The following BTBD9 variants were observed in gnomAD, a reference collection of about 807,000 sequenced individuals.
BTBD9 encodes BTB/POZ domain-containing protein 9.
In BTBD9, 49 loss-of-function variants were observed where a neutral mutation model predicts 64.3. The ratio of observed to expected loss-of-function variants is 0.76; its 90% CI spans 0.61 to 0.97. The LOEUF is 0.97. BTBD9 is among the 50% of genes least tolerant of loss of function. BTBD9 has a pLI of 0.00. For missense variants in BTBD9, 598 were observed against 762.1 expected, an observed-to-expected ratio of 0.78 and a Z score of 2.53; for synonymous variants, 260 against 274.7, an observed-to-expected ratio of 0.95 and a Z score of 0.53.
chr6:38,225,221 A>G (rs1187217806), intron 9 of BTBD9, among the ~76,000 whole-genome samples: 1 of 152,218 alleles, frequency 6.6e-6, no homozygotes, highest in Admixed American at 6.5e-5. Context: ...TTTTCCCACA[A>G]TGCCATGGAC....
chr6:38,428,555 T>C (rs1342700853), intron 6 of BTBD9, among the ~76,000 whole-genome samples: 4 of 151,674 alleles, frequency 2.6e-5, no homozygotes, highest in Non-Finnish European at 1.5e-5. Flanking sequence ...ACAGGGTCCA[T>C]GACTTGTTTC....
intron 6 of BTBD9, among the ~76,000 whole-genome samples, chr6:38,438,035 C>T (rs1331736545): frequency 6.6e-6 from 1 of 151,858 alleles, no homozygotes; most frequent in Non-Finnish European, 1.5e-5. Flanking sequence ...TTCCAAAACC[C>T]AGGGATCTCC....
chr6:38,306,707 G>A (rs1283584762), intron 7 of BTBD9, among the ~76,000 whole-genome samples: 2 of 152,152 alleles, frequency 1.3e-5, no homozygotes, highest in Admixed American at 6.5e-5. Context: ...CATGACCTGA[G>A]GGCCACCTGT....
intron 6 of BTBD9, among the ~76,000 whole-genome samples, chr6:38,525,764 T>TGAGGGAGATGATTTCTTCTG (rs1773460883): frequency 6.6e-6 from 1 of 152,120 alleles, no homozygotes. Flanking sequence ...ACTTTGAACT[T>TGAGGGAGATGATTTCTTCTG]GAGGGAGATG....
At chr6:38,225,236 GGAATA>G (rs2127511919) in intron 9 of BTBD9, among the ~76,000 whole-genome samples, 1 of 152,306 alleles carries the variant, frequency 6.6e-6, no homozygotes, top group Admixed American at 6.5e-5. Flanking sequence ...ATGGACAAAT[GGAATA>G]GAAACAAATC....
intron 1 of BTBD9, among the ~76,000 whole-genome samples, chr6:38,619,291 T>C (rs561091868): frequency 1.3e-5 from 2 of 152,144 alleles, no homozygotes; most frequent in Admixed American, 6.5e-5. Flanking sequence ...TGGTATTCTA[T>C]AATAGGGACC....
chr6:38,557,487 A>C (rs1775080279), intron 6 of BTBD9, among the ~76,000 whole-genome samples: 1 of 152,256 alleles, frequency 6.6e-6, no homozygotes, highest in Non-Finnish European at 1.5e-5. Context: ...GTGAAATACA[A>C]TAGTTGGACA....
At chr6:38,245,985 G>GA (rs1388149194) in intron 9 of BTBD9, among the ~76,000 whole-genome samples, 1 of 152,118 alleles carries the variant, frequency 6.6e-6, no homozygotes, top group African/African-American at 2.4e-5. Context: ...AAGAAAGAAG[G>GA]AAATAGGAGC....
intron 8 of BTBD9, among the ~76,000 whole-genome samples, chr6:38,266,617 A>AGAAAG (rs1491260187): frequency 4.6e-4 from 9 of 19,552 alleles, no homozygotes; most frequent in East Asian, 2.6e-3. Flanking sequence ...AAAGAAAGAA[A>AGAAAG]GAAAGAAAGA....
rs563676412 is a variant in BTBD9 at position 38,465,887 on chromosome 6, G to A, written c.1154+111713C>T. The stretch of plus-strand genomic sequence containing the variant: ...ACTCTGTTGTCCAGGCCAGAGTGCC[G>A]TGGTATGATCATGGCTCATTGCAGC... On this transcript the variant is annotated intron_variant, in intron 6 of 10. Coordinates refer to ENST00000481247, the MANE Select transcript of BTBD9 (RefSeq NM_001099272.2). 1.0e-4 allele frequency among the ~76,000 whole-genome samples: 13 copies of A among 129,810 alleles called. No individual in the cohort carries two copies. The South Asian group carries it at 1.2e-3, about 12-fold the overall frequency. 85.2% of individuals were successfully genotyped at this position (129,810 alleles called of 152,430 possible). A position where few individuals can be genotyped will look rare whatever the true frequency, so the allele number is the denominator to read the frequency against.
chr6:38,396,421 C>A (rs1475340288), intron 6 of BTBD9, among the ~76,000 whole-genome samples: 7 of 152,216 alleles, frequency 4.6e-5, no homozygotes, highest in Non-Finnish European at 8.8e-5. Flanking sequence ...AAATGTCATA[C>A]TGCTTTCTGA....
At chr6:38,416,761 G>C (rs1045510714) in intron 6 of BTBD9, among the ~76,000 whole-genome samples, 2 of 152,000 alleles carry the variant, frequency 1.3e-5, no homozygotes, top group African/African-American at 2.4e-5. Context: ...CTGCAATTTG[G>C]GGCACAGTCA....
chr6:38,435,656 CCTTTCT>C (rs1768693228), intron 6 of BTBD9, among the ~76,000 whole-genome samples: 2 of 125,490 alleles, frequency 1.6e-5, no homozygotes, highest in Admixed American at 8.4e-5. Context: ...TTCCTTCCTT[CCTTTCT>C]CTCTCTCTCT....
At chr6:38,469,203 C>T (rs2127364657) in intron 6 of BTBD9, among the ~76,000 whole-genome samples, 1 of 151,930 alleles carries the variant, frequency 6.6e-6, no homozygotes, top group South Asian at 2.1e-4. Context: ...TTCAATAGTG[C>T]TTTTATATCC....
intron 6 of BTBD9, among the ~76,000 whole-genome samples, chr6:38,379,763 A>T (rs1765852070): frequency 6.6e-6 from 1 of 152,352 alleles, no homozygotes; most frequent in Admixed American, 6.5e-5. Flanking sequence ...ATATGCTCGG[A>T]TATTAATTAT....
intron 9 of BTBD9, among the ~76,000 whole-genome samples, chr6:38,220,344 T>A (rs2127507043): frequency 6.6e-6 from 1 of 152,382 alleles, no homozygotes; most frequent in African/African-American, 2.4e-5. Context: ...TTGAATAAGC[T>A]ACTGATTCAC....
chr6:38,308,660 G>A (rs1374681473), intron 7 of BTBD9, among the ~76,000 whole-genome samples: 2 of 152,144 alleles, frequency 1.3e-5, no homozygotes, highest in East Asian at 3.9e-4. Context: ...CGGGAGTGCA[G>A]TGGCATGATC....
intron 1 of BTBD9, among the ~76,000 whole-genome samples, chr6:38,633,669 C>T (rs971420522): frequency 2.0e-5 from 3 of 152,110 alleles, no homozygotes; most frequent in African/African-American, 7.2e-5. Flanking sequence ...TAAAACTGAA[C>T]ACTTAGCTGC....
chr6:38,374,843 G>A (rs1765621730), intron 6 of BTBD9, among the ~76,000 whole-genome samples: 1 of 152,132 alleles, frequency 6.6e-6, no homozygotes, highest in African/African-American at 2.4e-5. Flanking sequence ...TGACTATAGT[G>A]GCAAGGAATT....
Sources: gnomAD v4.1 joint callset for allele counts (sites outside exome capture counted in the v4.1 genomes callset) on GRCh38, gnomAD v4.1.1 for gene constraint, MANE v1.5 for transcripts, NCBI Gene and HGNC (gene_info 2026-07-23, HGNC 2026-07-21) for gene names.